The following HMGB1 variants were observed in gnomAD, a reference collection of about 807,000 sequenced individuals.
The protein encoded by HMGB1 is high mobility group protein B1.
For synonymous variants in HMGB1, 81 were observed against 84.0 expected, an observed-to-expected ratio of 0.96 and a Z score of 0.19; for missense variants, 79 against 253.5, an observed-to-expected ratio of 0.31 and a Z score of 4.67.
At chr13:30,491,991 A>T (rs1887505459) in intron 1 of HMGB1, among the ~76,000 whole-genome samples, 1 of 152,008 alleles carries the variant, frequency 6.6e-6, no homozygotes, top group South Asian at 2.1e-4. Context: ...ACAAGGTGAA[A>T]CCCCATTTCT....
intron 1 of HMGB1, among the ~76,000 whole-genome samples, chr13:30,599,869 A>G (rs1204538520): frequency 6.6e-6 from 1 of 152,216 alleles, no homozygotes; most frequent in Non-Finnish European, 1.5e-5. Context: ...TTCAGCCCGT[A>G]ACAGGCCTAG....
intron 1 of HMGB1, among the ~76,000 whole-genome samples, chr13:30,471,171 TA>T (rs1886916598): frequency 1.3e-5 from 2 of 151,576 alleles, no homozygotes; most frequent in Non-Finnish European, 2.9e-5. Flanking sequence ...AGGGTTTCAT[TA>T]TATTGGACAG....
chr13:30,480,117 T>C (rs938892830), intron 1 of HMGB1, among the ~76,000 whole-genome samples: 3 of 152,226 alleles, frequency 2.0e-5, no homozygotes, highest in Non-Finnish European at 2.9e-5. Context: ...AAATATTTAC[T>C]GTGTGACAAT....
At chr13:30,520,385 C>T (rs551024201) in intron 1 of HMGB1, among the ~76,000 whole-genome samples, 97 of 151,878 alleles carry the variant, frequency 6.4e-4, no homozygotes, top group African/African-American at 2.3e-3. Context: ...ATTGGGAGGC[C>T]GAGGCGGGCG....
chr13:30,607,781 C>T (rs955939720), intron 1 of HMGB1, among the ~76,000 whole-genome samples: 5 of 152,130 alleles, frequency 3.3e-5, no homozygotes, highest in African/African-American at 1.2e-4. Context: ...GACATATTCT[C>T]ACAGCCTAAT....
In HMGB1 at chr13:30,532,735, C is replaced by G. The variant is rs141972581; in HGVS notation, c.-14-69041G>C. 1.7e-3 allele frequency among the ~76,000 whole-genome samples: 257 copies of G among 152,210 alleles called. 1 individual carries two copies. The highest frequency in any genetic ancestry group is 6.0e-3 in the African/African-American group (249 of 41,550). On this transcript the variant is annotated intron_variant, in intron 1 of 4. Coordinates refer to the HMGB1 transcript ENST00000405805. Reference sequence around the variant, plus strand: ...TGTTAGCTAGGCTGGTCTCAAACTCCTGACCTCAAGTGATCCACCTGCCTC... The same window carrying G: ...TGTTAGCTAGGCTGGTCTCAAACTCGTGACCTCAAGTGATCCACCTGCCTC...
At chr13:30,566,895 A>G (rs543304272) in intron 1 of HMGB1, among the ~76,000 whole-genome samples, 8 of 152,230 alleles carry the variant, frequency 5.3e-5, no homozygotes, top group Non-Finnish European at 1.2e-4. Context: ...TGTGATAAGA[A>G]CCACAAATGC....
intron 1 of HMGB1, chr13:30,540,464 G>T: frequency 6.5e-6 from 1 of 153,216 alleles, no homozygotes; most frequent in South Asian, 2.1e-4. Flanking sequence ...ATCTGACTTT[G>T]GCACATTACT....
intron 1 of HMGB1, among the ~76,000 whole-genome samples, chr13:30,516,214 T>C (rs558702055): frequency 6.6e-6 from 1 of 152,320 alleles, no homozygotes; most frequent in African/African-American, 2.4e-5. Flanking sequence ...CCTGAACAAA[T>C]TCCTCCCTCC....
chr13:30,491,783 AGAG>A (rs762596510), intron 1 of HMGB1, among the ~76,000 whole-genome samples: 1 of 152,244 alleles, frequency 6.6e-6, no homozygotes, highest in Non-Finnish European at 1.5e-5. Context: ...AGAGTTAAAC[AGAG>A]GAGAAGTCTT....
chr13:30,551,622 C>T (rs1349155806), intron 1 of HMGB1, among the ~76,000 whole-genome samples: 1 of 152,218 alleles, frequency 6.6e-6, no homozygotes, highest in Admixed American at 6.5e-5. Flanking sequence ...CACTCTAGCA[C>T]AGATCACTCC....
intron 1 of HMGB1, among the ~76,000 whole-genome samples, chr13:30,612,004 T>A (rs1312266538): frequency 6.6e-6 from 1 of 152,080 alleles, no homozygotes; most frequent in African/African-American, 2.4e-5. Context: ...CCATGTAAAT[T>A]GAAAATTGGG....
chr13:30,538,577 T>TCC (rs1566018938), intron 1 of HMGB1, among the ~76,000 whole-genome samples: 4 of 144,542 alleles, frequency 2.8e-5, no homozygotes, highest in Non-Finnish European at 3.0e-5. Flanking sequence ...TTTTTCTTTC[T>TCC]TTCTTTCTTT....
intron 1 of HMGB1, among the ~76,000 whole-genome samples, chr13:30,539,413 T>C (rs946485137): frequency 1.1e-4 from 16 of 152,244 alleles, no homozygotes; most frequent in Non-Finnish European, 2.2e-4. Flanking sequence ...TTGAAGGCCA[T>C]TGATCCTTTG....
chr13:30,565,101 T>C (rs1245261716), intron 1 of HMGB1, among the ~76,000 whole-genome samples: 1 of 152,230 alleles, frequency 6.6e-6, no homozygotes, highest in Non-Finnish European at 1.5e-5. Context: ...GAAGGTTATG[T>C]AAGTTATATA....
intron 1 of HMGB1, among the ~76,000 whole-genome samples, chr13:30,488,052 A>G (rs1005872175): frequency 3.3e-5 from 5 of 152,174 alleles, no homozygotes; most frequent in Admixed American, 3.3e-4. Context: ...AAAAGAAACA[A>G]TTTTTTTCTA....
intron 1 of HMGB1, among the ~76,000 whole-genome samples, chr13:30,528,983 C>G (rs1455581664): frequency 7.4e-6 from 1 of 135,584 alleles, no homozygotes; most frequent in African/African-American, 2.9e-5. Flanking sequence ...GAGCCGAGAT[C>G]GCGCCACTGC....
Position 30,562,296 on chromosome 13 carries a change from CAA to C in HMGB1, c.-15+54373_-15+54374del, listed in dbSNP as rs59745521. Among the ~76,000 whole-genome samples the C allele has an allele frequency of 6.1e-3, 776 of 126,206 alleles. 2 individuals are homozygous for C. Among genetic ancestry groups the C allele is most frequent in the Non-Finnish European group, 9.7e-3 (577 of 59,732 alleles). 82.8% of individuals were successfully genotyped at this position (126,206 alleles called of 152,430 possible). A position where few individuals can be genotyped will look rare whatever the true frequency, so the allele number is the denominator to read the frequency against. ...TGGGCAACAGAGCTAGACTCAGTCT[CAA>C]AAAAAAAAAAAAAAGATGTATTTAT... On this transcript the variant is annotated intron_variant, in intron 1 of 4. Coordinates refer to the HMGB1 transcript ENST00000405805.
At chr13:30,616,986 G>A (rs190545009) in exon 1 of HMGB1, 7 of 152,338 alleles carry the variant, frequency 4.6e-5, no homozygotes, top group African/African-American at 1.7e-4. Context: ...CTGCCCCCAA[G>A]ATTTAGAATG....
Sources: gnomAD v4.1 joint callset for allele counts (sites outside exome capture counted in the v4.1 genomes callset) on GRCh38, gnomAD v4.1.1 for gene constraint, MANE v1.5 for transcripts, NCBI Gene and HGNC (gene_info 2026-07-23, HGNC 2026-07-21) for gene names.